The following PACS2 variants were observed in gnomAD, a reference collection of about 807,000 sequenced individuals.
PACS2 encodes the protein PACS1-like protein.
Under a neutral mutation model 113.0 loss-of-function variants are expected in PACS2, and 36 were observed. That is an observed-to-expected ratio of 0.32 (90% CI 0.24 to 0.42). PACS2 has a LOEUF of 0.42. PACS2 is among the 10% of genes least tolerant of loss of function. The pLI is 1.00. For synonymous variants in PACS2, 589 were observed against 536.1 expected, an observed-to-expected ratio of 1.10 and a Z score of -1.36; for missense variants, 1,015 against 1,239.5, an observed-to-expected ratio of 0.82 and a Z score of 2.72.
In PACS2 at chr14:105,377,017, G is replaced by A. The variant is rs115428539; in HGVS notation, c.959+92G>A. 1,048 of 1,360,296 alleles carry A rather than the reference G, an allele frequency of 7.7e-4. 11 individuals are homozygous for A. In the African/African-American group the frequency reaches 0.014, roughly 19 times the overall value. 84.3% of individuals were successfully genotyped at this position (1,360,296 alleles called of 1,614,324 possible). On this transcript the variant is annotated intron_variant, in intron 9 of 24. Coordinates refer to ENST00000447393, the MANE Select transcript of PACS2 (RefSeq NM_001100913.3). Reference sequence around the variant, plus strand: ...TCTGGCAGACCCATGTCCAGCCCTGGAGACGGGGTGGGCAGGGCCAGCTGC... The same window carrying A: ...TCTGGCAGACCCATGTCCAGCCCTGAAGACGGGGTGGGCAGGGCCAGCTGC...
chr14:105,319,276 C>T (rs145715907), intron 1 of PACS2, among the ~76,000 whole-genome samples: 8 of 152,346 alleles, frequency 5.3e-5, no homozygotes, highest in Admixed American at 2.0e-4. Flanking sequence ...CACACAAAGC[C>T]ACATTTGGTT....
At position 105,391,863 on chromosome 14, in the gene PACS2, G is replaced by A. The variant is rs1296980502; in HGVS notation, c.2255+97G>A. On this transcript the variant is annotated intron_variant, in intron 22 of 24. Transcript: ENST00000447393. ...CCCCTATGTCACATCCACCTCCCAG[G>A]GCACCTGGCCTGTCAGCCACGAAGG... is the stretch of plus-strand genomic sequence containing the variant. The A allele has an allele frequency of 2.3e-6, 3 of 1,286,660 alleles. No individual in the cohort carries two copies. The African/African-American group carries it at 4.6e-5, about 20-fold the overall frequency. 79.7% of individuals were successfully genotyped at this position (1,286,660 alleles called of 1,614,324 possible). A position where few individuals can be genotyped will look rare whatever the true frequency, so the allele number is the denominator to read the frequency against.
At chr14:105,385,494 G>A (rs1363835944) in intron 18 of PACS2, among the ~76,000 whole-genome samples, 191 bp from the exon 19 acceptor site, 2 of 152,268 alleles carry the variant, frequency 1.3e-5, no homozygotes, top group East Asian at 1.9e-4. Context: ...CACATCTGGC[G>A]CCACTGTCCC....
Position 105,314,844 on chromosome 14 carries a change from C to CGCCCGGCCCGCCCGCCGCGCGTCCGCG in PACS2, c.-66_-40dup, listed in dbSNP as rs1223820473. 47 of 603,306 alleles carry CGCCCGGCCCGCCCGCCGCGCGTCCGCG rather than the reference C, an allele frequency of 7.8e-5. No individual in the cohort carries two copies. The East Asian group carries it at 3.2e-3, about 42-fold the overall frequency. The allele number at this position is 603,306 out of a possible 1,614,324, so 37.4% of individuals were successfully genotyped here. On this transcript the variant is annotated 5_prime_UTR_variant, in exon 1 of 25. Coordinates refer to ENST00000447393, the MANE Select transcript of PACS2 (RefSeq NM_001100913.3). ...TGTGACCGCGCCGCCGCCCTCCGCG[C>CGCCCGGCCCGCCCGCCGCGCGTCCGCG]GCCCGGCCCGCCCGCCGCGCGTCCG... is the stretch of plus-strand genomic sequence containing the variant.
chr14:105,344,304 T>C (rs887725216), intron 1 of PACS2, among the ~76,000 whole-genome samples: 1 of 152,012 alleles, frequency 6.6e-6, no homozygotes, highest in Non-Finnish European at 1.5e-5. Flanking sequence ...AATTGATTTA[T>C]TTTTGAGACA....
chr14:105,391,133 G>A (rs1397506424), intron 20 of PACS2, 74 bp from the exon 21 acceptor site: 11 of 1,170,274 alleles, frequency 9.4e-6, no homozygotes, highest in Admixed American at 3.4e-5. Context: ...GTGGGGAGGC[G>A]GGAGCCCCAC....
At position 105,379,836 on chromosome 14, in the gene PACS2, G is replaced by A. The variant is rs374454981; in HGVS notation, c.1050+7G>A. The A allele has an allele frequency of 1.4e-5, 22 of 1,611,410 alleles. No individual in the cohort carries two copies. In the South Asian group the frequency reaches 1.6e-4, roughly 12 times the overall value. On this transcript the variant is annotated splice_region_variant and intron_variant, in intron 10 of 24. Coordinates refer to ENST00000447393, the MANE Select transcript of PACS2 (RefSeq NM_001100913.3). ...CAAGGAGCCCCCAAGCCCGGTGAGT[G>A]GGGCCACACTGATCTCCCAGAGCAG...
intron 1 of PACS2, among the ~76,000 whole-genome samples, chr14:105,343,478 A>G (rs986072125): frequency 1.3e-5 from 2 of 152,112 alleles, no homozygotes; most frequent in Non-Finnish European, 2.9e-5. Flanking sequence ...GCACGTTCAG[A>G]GTATATGGAA....
chr14:105,385,896 C>T (rs587650627), intron 19 of PACS2, among the ~76,000 whole-genome samples, 179 bp downstream of exon 19: 1 of 152,248 alleles, frequency 6.6e-6, no homozygotes, highest in African/African-American at 2.4e-5. Flanking sequence ...GGCCCCAACC[C>T]GAGTCACTTT....
chr14:105,330,627 C>T lies in PACS2; in HGVS notation c.119+15590C>T, dbSNP rs587693730. ...CCTAGGCCACACCAGCATGACCCCT[C>T]GCCCCTGTCTCCACGGAGCACCGTG... is the stretch of plus-strand genomic sequence containing the variant. On this transcript the variant is annotated intron_variant, in intron 1 of 24. Coordinates refer to ENST00000447393, the MANE Select transcript of PACS2 (RefSeq NM_001100913.3). The surrounding 1 kb of genome is among the most constrained non-coding windows in gnomAD (Gnocchi z 6.9). Among the ~76,000 whole-genome samples the T allele has an allele frequency of 2.0e-5, 3 of 152,340 alleles. No individual in the cohort carries two copies. The highest frequency in any genetic ancestry group is 1.9e-4 in the East Asian group (1 of 5,184).
Position 105,323,577 on chromosome 14 carries a change from T to C in PACS2, c.119+8540T>C, listed in dbSNP as rs1595569280. Reference sequence around the variant, plus strand: ...CCAAGGAGTGTGGTTTCATTTTGAGTGGTGGGGAAGTCGCTGGACTATTTC... The same window carrying C: ...CCAAGGAGTGTGGTTTCATTTTGAGCGGTGGGGAAGTCGCTGGACTATTTC... On this transcript the variant is annotated intron_variant, in intron 1 of 24. Coordinates refer to ENST00000447393, the MANE Select transcript of PACS2 (RefSeq NM_001100913.3). The surrounding 1 kb of genome is among the most constrained non-coding windows in gnomAD (Gnocchi z 4.1). Among the ~76,000 whole-genome samples the C allele has an allele frequency of 2.0e-5, 3 of 151,926 alleles. 1 individual carries two copies. In the East Asian group the frequency reaches 5.8e-4, roughly 29 times the overall value.
At position 105,348,389 on chromosome 14, in the gene PACS2, C is replaced by T. The variant is rs113885038; in HGVS notation, c.120-104C>T. The T allele has an allele frequency of 3.6e-6, 3 of 840,884 alleles. No homozygotes were observed. The highest frequency in any genetic ancestry group is 2.2e-5 in the Admixed American group (1 of 45,434). The allele number at this position is 840,884 out of a possible 1,614,324, so 52.1% of individuals were successfully genotyped here. A position where few individuals can be genotyped will look rare whatever the true frequency, so the allele number is the denominator to read the frequency against. The stretch of plus-strand genomic sequence containing the variant: ...CCAGGCAGTCACACCCCGCCCTGCA[C>T]CCCAGGGTGCAGGCTCCCGGGGTGA... On this transcript the variant is annotated intron_variant, in intron 1 of 24. Transcript: ENST00000447393. This position sits in a 1 kb window ranked among gnomAD's most constrained non-coding sequence, Gnocchi z 6.4.
In PACS2 at chr14:105,348,945, G is replaced by C. The variant is rs587654565; in HGVS notation, c.207+365G>C. 2.8e-4 allele frequency among the ~76,000 whole-genome samples: 42 copies of C among 152,326 alleles called. No individual in the cohort carries two copies. The highest frequency in any genetic ancestry group is 1.7e-3 in the Admixed American group (26 of 15,308). ...ACTTTTTGTGGGGTGGAGGGCGTCG[G>C]TGGGAGAGGGGAGCAGGGCACTCTG... On this transcript the variant is annotated intron_variant, in intron 2 of 24. Transcript: ENST00000447393. The surrounding 1 kb of genome is among the most constrained non-coding windows in gnomAD (Gnocchi z 6.4).
At chr14:105,337,910 A>G (rs1165439615) in intron 1 of PACS2, among the ~76,000 whole-genome samples, 1 of 152,142 alleles carries the variant, frequency 6.6e-6, no homozygotes, top group Non-Finnish European at 1.5e-5. Context: ...CTCAGCCCCC[A>G]CATGTGCACC....
intron 4 of PACS2, among the ~76,000 whole-genome samples, chr14:105,362,218 A>G (rs1256705746): frequency 2.0e-5 from 3 of 151,378 alleles, no homozygotes; most frequent in East Asian, 1.9e-4. Flanking sequence ...GGAGATCAAG[A>G]CCATCCTGGC....
intron 4 of PACS2, among the ~76,000 whole-genome samples, chr14:105,362,593 G>A (rs2060769032): frequency 6.6e-6 from 1 of 152,032 alleles, no homozygotes. Flanking sequence ...GCTCACACCT[G>A]TAATCCCAGC....
In PACS2 at chr14:105,394,561, C is replaced by T. The variant is rs377183131; in HGVS notation, c.2604C>T (p.Ile868=). ...RQQQNMLRVL[I]DGVECSDVKF... Reference sequence around the variant, plus strand: ...GGCAGCCCTCTCCCACAGTCCTCATCGACGGCGTGGAGTGCAGCGACGTCA... The same window carrying T: ...GGCAGCCCTCTCCCACAGTCCTCATTGACGGCGTGGAGTGCAGCGACGTCA... The change falls in exon 25 of 25, where the codon ATC becomes ATT. Residue 868 remains isoleucine (I), a synonymous_variant. Transcript: ENST00000447393. 12 of 1,612,480 alleles carry T rather than the reference C, an allele frequency of 7.4e-6. No individual in the cohort carries two copies. Among genetic ancestry groups the T allele is most frequent in the South Asian group, 2.2e-5 (2 of 91,088 alleles).
Position 105,391,690 on chromosome 14 carries a change from G to A in PACS2, c.2179G>A (p.Ala727Thr), listed in dbSNP as rs782122419. 18 of 1,606,580 alleles carry A rather than the reference G, an allele frequency of 1.1e-5. No individual in the cohort carries two copies. Among genetic ancestry groups the A allele is most frequent in the South Asian group, 7.8e-5 (7 of 89,780 alleles). The change falls in exon 22 of 25, where the codon GCA (alanine) becomes ACA (threonine). Residue 727 changes from alanine (A) to threonine (T), a missense_variant. This residue lies in a region of PACS2 where 859 missense variants were observed against 1,056.8 expected (regional missense o/e 0.81). Transcript: ENST00000447393. ...CACGCTCTCCTCCACCCCGCCGTCC[G>A]CATCTCCTGCGGCCAAGGAGGCCTC... is the stretch of plus-strand genomic sequence containing the variant. ...SGTLSSTPPS[A>T]SPAAKEASPT...
In PACS2 at chr14:105,329,209, G is replaced by C. The variant is rs1240541390; in HGVS notation, c.119+14172G>C. On this transcript the variant is annotated intron_variant, in intron 1 of 24. Coordinates refer to ENST00000447393, the MANE Select transcript of PACS2 (RefSeq NM_001100913.3). This position sits in a 1 kb window ranked among gnomAD's most constrained non-coding sequence, Gnocchi z 6.4. ...TGGAGCGAGGGTGTGTACGGGAGCAGGATGGGCTGCACAGAAGCCTTTCCG... is the reference window on the plus strand; with the variant it reads ...TGGAGCGAGGGTGTGTACGGGAGCACGATGGGCTGCACAGAAGCCTTTCCG... 6.6e-6 allele frequency among the ~76,000 whole-genome samples: 1 copy of C among 152,210 alleles called. No individual in the cohort carries two copies. The highest frequency in any genetic ancestry group is 6.5e-5 in the Admixed American group (1 of 15,288).
Sources: allele counts gnomAD v4.1 joint callset (sites outside exome capture counted in the v4.1 genomes callset), GRCh38; gene constraint gnomAD v4.1.1; regional missense constraint gnomAD v4.1.1; non-coding constraint Gnocchi (gnomAD v3.1); transcripts MANE v1.5; gene names NCBI Gene and HGNC (gene_info 2026-07-23, HGNC 2026-07-21).